COX10: variants seen among roughly 807,000 people sequenced by gnomAD.
COX10 encodes the protein cytochrome c oxidase assembly factor heme A:farnesyltransferase COX10.
A neutral mutation model predicts 37.3 loss-of-function variants in COX10; 27 were observed. That is an observed-to-expected ratio of 0.72 (90% CI 0.53 to 1.00). COX10 has a LOEUF of 1.00. Among genes scored for constraint, COX10 ranks in the 50% least tolerant of loss-of-function variants. COX10 has a pLI of 0.00. For synonymous variants in COX10, 222 were observed against 229.1 expected (o/e 0.97, Z 0.28); for missense variants, 475 against 563.2 (o/e 0.84, Z 1.59).
At chr17:14,088,230 G>A (rs893096276) in intron 3 of COX10, among the ~76,000 whole-genome samples, 10 of 152,140 alleles carry the variant, frequency 6.6e-5, no homozygotes, top group African/African-American at 1.9e-4. Context: ...AATAATGAAT[G>A]TAGTGACCCA....
At chr17:14,166,785 C>CTTTTTTTTTTTTTTT (rs57127092) in intron 5 of COX10, among the ~76,000 whole-genome samples, 11 of 100,256 alleles carry the variant, frequency 1.1e-4, no homozygotes, top group East Asian at 9.6e-4. Context: ...CTATTTCTTT[C>CTTTTTTTTTTTTTTT]TTTTTTTTTT....
At chr17:14,137,420 A>C (rs1481085586) in intron 4 of COX10, among the ~76,000 whole-genome samples, 2 of 151,934 alleles carry the variant, frequency 1.3e-5, no homozygotes, top group Admixed American at 6.6e-5. Flanking sequence ...AGAAACTATT[A>C]GAATATAATA....
intron 4 of COX10, among the ~76,000 whole-genome samples, chr17:14,136,704 G>A (rs368187418): frequency 2.0e-5 from 3 of 151,820 alleles, no homozygotes; most frequent in African/African-American, 7.2e-5. Flanking sequence ...ACTTCAGCTT[G>A]CCTCCCAATG....
chr17:14,075,354 A>G (rs1008439163), intron 2 of COX10, among the ~76,000 whole-genome samples: 3 of 152,146 alleles, frequency 2.0e-5, no homozygotes, highest in Non-Finnish European at 4.4e-5. Flanking sequence ...AGACTAATGT[A>G]TGTAATTTCA....
intron 4 of COX10, among the ~76,000 whole-genome samples, chr17:14,150,379 CA>C (rs972496675): frequency 5.3e-4 from 80 of 152,282 alleles, no homozygotes; most frequent in African/African-American, 1.8e-3. Flanking sequence ...TTAACCTAGT[CA>C]GAAAATAAGT....
chr17:14,160,545 CAAATG>C (rs1370908016), intron 5 of COX10, among the ~76,000 whole-genome samples: 1 of 151,998 alleles, frequency 6.6e-6, no homozygotes, highest in Non-Finnish European at 1.5e-5. Context: ...TAAAAAGGGC[CAAATG>C]GTTTATACTG....
At chr17:14,191,919 T>G in intron 5 of COX10, 70 bp from the exon 6 acceptor site, 2 of 1,543,126 alleles carry the variant, frequency 1.3e-6, no homozygotes, top group Non-Finnish European at 1.8e-6. Context: ...ACTTTGTCAG[T>G]GCCGATTTTA....
intron 4 of COX10, among the ~76,000 whole-genome samples, chr17:14,117,034 G>A (rs561164320): frequency 6.6e-6 from 1 of 152,126 alleles, no homozygotes; most frequent in East Asian, 1.9e-4. Context: ...ATGGGCTTAT[G>A]TTCACCATGC....
At chr17:14,163,800 T>G (rs923612413) in intron 5 of COX10, among the ~76,000 whole-genome samples, 7 of 152,220 alleles carry the variant, frequency 4.6e-5, no homozygotes, top group Non-Finnish European at 8.8e-5. Context: ...TGTAATAATC[T>G]TTCATTTGTC....
At chr17:14,155,028 T>C (rs73979173) in intron 4 of COX10, among the ~76,000 whole-genome samples, 189 of 152,306 alleles carry the variant, frequency 1.2e-3, no homozygotes, top group African/African-American at 4.4e-3. Flanking sequence ...GAGAAGTCCA[T>C]TAAATGTTTT....
intron 4 of COX10, among the ~76,000 whole-genome samples, chr17:14,115,957 T>C (rs1047827099): frequency 6.6e-6 from 1 of 152,184 alleles, no homozygotes; most frequent in African/African-American, 2.4e-5. Flanking sequence ...GAGCCCAGAC[T>C]TCACCACTGT....
chr17:14,076,991 A>G lies in COX10; in HGVS notation c.434A>G (p.Glu145Gly), dbSNP rs778572319. 3.1e-6 allele frequency: 5 copies of G among 1,613,408 alleles called. No individual in the cohort carries two copies. The highest frequency in any genetic ancestry group is 4.2e-6 in the Non-Finnish European group (5 of 1,179,850). ...KETKEEKRWK[E>G]MKLQVYDLPG... Reference sequence around the variant, plus strand: ...ACAAAAGAGGAAAAGCGGTGGAAAGAGATGAAGCTGCAAGTGTATGATTTG... The same window carrying G: ...ACAAAAGAGGAAAAGCGGTGGAAAGGGATGAAGCTGCAAGTGTATGATTTG... Residue 145 changes from glutamate to glycine, a missense_variant, in exon 3 of 7, where the codon GAG becomes GGG. Glu to Gly is a moderately conservative substitution (Grantham distance 98). Around this residue, in one of 5 missense-constraint regions of COX10, gnomAD observed 242 missense variants for 242.5 expected, o/e 1.00. Coordinates refer to ENST00000261643, the MANE Select transcript of COX10 (RefSeq NM_001303.4).
intron 5 of COX10, chr17:14,182,213 G>A (rs1261387127): frequency 3.7e-6 from 3 of 814,312 alleles, no homozygotes; most frequent in Non-Finnish European, 4.4e-6. Context: ...AGAATCACTT[G>A]ACACCAAGAG....
intron 4 of COX10, among the ~76,000 whole-genome samples, chr17:14,106,759 C>T (rs1915901675): frequency 6.6e-6 from 1 of 151,946 alleles, no homozygotes; most frequent in Non-Finnish European, 1.5e-5. Flanking sequence ...CTTTTTAGTG[C>T]TTATTGGCCA....
At chr17:14,180,910 G>A (rs1905838438) in intron 5 of COX10, among the ~76,000 whole-genome samples, 1 of 152,092 alleles carries the variant, frequency 6.6e-6, no homozygotes, top group Admixed American at 6.6e-5. Context: ...GTTCCTTTGG[G>A]CACCATTCTT....
At chr17:14,169,504 A>G (rs547283123) in intron 5 of COX10, among the ~76,000 whole-genome samples, 10 of 152,144 alleles carry the variant, frequency 6.6e-5, no homozygotes, top group Admixed American at 1.3e-4. Flanking sequence ...TTTCTGTATT[A>G]GTCCATTTTC....
intron 6 of COX10, among the ~76,000 whole-genome samples, chr17:14,204,281 G>A (rs1309235785): frequency 1.3e-5 from 2 of 151,958 alleles, no homozygotes; most frequent in African/African-American, 4.8e-5. Context: ...CACTCTGGCT[G>A]CCACACCCTC....
chr17:14,139,258 T>C lies in COX10; in HGVS notation c.625-20619T>C, dbSNP rs573699875. Among the ~76,000 whole-genome samples, 3 of 152,272 alleles carry C rather than the reference T, an allele frequency of 2.0e-5. No individual in the cohort carries two copies. In the East Asian group the frequency reaches 5.8e-4, roughly 29 times the overall value. On this transcript the variant is annotated intron_variant, in intron 4 of 6. Coordinates refer to ENST00000261643, the MANE Select transcript of COX10 (RefSeq NM_001303.4). ...ATATTTTGCATGTCTGTTATAGTCA[T>C]CCAGTTACTAAACTAGCTATAGATT...
intron 5 of COX10, among the ~76,000 whole-genome samples, chr17:14,169,973 A>G (rs1200494285): frequency 6.6e-6 from 1 of 152,180 alleles, no homozygotes; most frequent in African/African-American, 2.4e-5. Context: ...GGAATGGGTT[A>G]GTCTCTGAGA....
Sources: gnomAD v4.1 joint callset for allele counts (sites outside exome capture counted in the v4.1 genomes callset) on GRCh38, gnomAD v4.1.1 for gene constraint, gnomAD v4.1.1 regional missense constraint, MANE v1.5 for transcripts, NCBI Gene and HGNC (gene_info 2026-07-23, HGNC 2026-07-21) for gene names.